FBXO38: variants seen among roughly 807,000 people sequenced by gnomAD.
FBXO38 encodes the protein F-box protein 38, also known as F-box only protein 38.
Under a neutral mutation model 131.9 loss-of-function variants are expected in FBXO38, and 53 were observed. The observed-to-expected ratio is 0.40, with a 90% confidence interval of 0.32 to 0.51. The LOEUF is 0.51. FBXO38 is among the 20% of genes least tolerant of loss of function. The probability of loss-of-function intolerance (pLI) is 0.53; values close to 1 mark genes in which losing one functional copy is unlikely to be tolerated. For synonymous variants in FBXO38, 452 were observed against 505.6 expected (o/e 0.89, Z 1.42); for missense variants, 1,076 against 1,475.6 (o/e 0.73, Z 4.44).
intron 12 of FBXO38, among the ~76,000 whole-genome samples, chr5:148,419,283 C>G (rs1008559539): frequency 1.3e-5 from 2 of 152,124 alleles, no homozygotes; most frequent in African/African-American, 4.8e-5. Flanking sequence ...ACATTAGATT[C>G]CACAGGTCAC....
chr5:148,406,539 G>A lies in FBXO38; in HGVS notation c.868+145G>A. The A allele has an allele frequency of 6.4e-6, 4 of 622,670 alleles. No individual in the cohort carries two copies. In the South Asian group the frequency reaches 8.2e-5, roughly 13 times the overall value. 38.6% of individuals were successfully genotyped at this position (622,670 alleles called of 1,614,324 possible). On this transcript the variant is annotated intron_variant, in intron 7 of 21. Coordinates refer to ENST00000340253, the MANE Select transcript of FBXO38 (RefSeq NM_205836.3). ...CTTTGTTGTATTTGATGGACAGTAA[G>A]TAACCATGAGCATAGCTAGTATTCA...
In FBXO38 at chr5:148,441,175, G is replaced by A. The variant is rs776502136; in HGVS notation, c.3326G>A (p.Arg1109Lys). 9 of 1,613,928 alleles carry A rather than the reference G, an allele frequency of 5.6e-6. No individual in the cohort carries two copies. The highest frequency in any genetic ancestry group is 6.8e-6 in the Non-Finnish European group (8 of 1,179,924). The change falls in exon 21 of 22, where the codon AGG (arginine) becomes AAG (lysine). Residue 1109 changes from arginine (R) to lysine (K), a missense_variant. Coordinates refer to ENST00000340253, the MANE Select transcript of FBXO38 (RefSeq NM_205836.3). ...YSMISDFPWL[R>K]SLRAAEPNSF... ...ATGATTTCTGACTTCCCTTGGCTGA[G>A]GTCATTACGAGCTGCAGAGCCCAAC...
At chr5:148,423,916 C>T in intron 12 of FBXO38, 82 bp from the exon 13 acceptor site, 1 of 1,351,874 alleles carries the variant, frequency 7.4e-7, no homozygotes, top group South Asian at 1.4e-5. Context: ...CTGTTCAGTT[C>T]TTAGGGCGGC....
At chr5:148,410,395 A>G (rs1752681725) in intron 8 of FBXO38, 1 of 505,080 alleles carries the variant, frequency 2.0e-6, no homozygotes, top group African/African-American at 2.0e-5. Context: ...GCCATCAGGC[A>G]AAAATGTGAC....
At chr5:148,404,571 A>G (rs1330138451) in intron 5 of FBXO38, 114 bp from the exon 6 acceptor site, 2 of 885,034 alleles carry the variant, frequency 2.3e-6, no homozygotes, top group African/African-American at 3.5e-5. Context: ...TCGGATAAAA[A>G]TCCTTGAAGG....
At chr5:148,411,836 C>T (rs1179084164) in intron 9 of FBXO38, among the ~76,000 whole-genome samples, 1 of 152,128 alleles carries the variant, frequency 6.6e-6, no homozygotes, top group Non-Finnish European at 1.5e-5. Flanking sequence ...TGATATCAAG[C>T]TTTTCTGGTT....
intron 9 of FBXO38, 32 bp from the exon 10 acceptor site, chr5:148,414,104 T>C: frequency 5.4e-6 from 2 of 373,456 alleles, no homozygotes; most frequent in Non-Finnish European, 8.3e-6. Context: ...AGAATTTGAC[T>C]TTTTTTTTTT....
intron 2 of FBXO38, among the ~76,000 whole-genome samples, chr5:148,398,692 T>C (rs1446076018): frequency 5.3e-5 from 8 of 151,962 alleles, no homozygotes; most frequent in Non-Finnish European, 1.0e-4. Context: ...TTTTTTTTCT[T>C]CTTTTCTTTG....
rs950240763 is a variant in FBXO38, at chr5:148,440,431, A to G, written c.3178A>G (p.Ile1060Val). ...DTIANINQELIKYEFFPEATR... is the reference protein window; with the variant it reads ...DTIANINQELVKYEFFPEATR... Reference sequence around the variant, plus strand: ...TTTTCCTGTTGCTTCCAGAGAGCTCATTAAATATGAATTCTTCCCTGAAGC... The same window carrying G: ...TTTTCCTGTTGCTTCCAGAGAGCTCGTTAAATATGAATTCTTCCCTGAAGC... Residue 1060 changes from isoleucine to valine, a missense_variant, in exon 20 of 22, where the codon ATT becomes GTT. Around this residue, in one of 8 missense-constraint regions of FBXO38, gnomAD observed 282 missense variants for 418.8 expected, o/e 0.67. Transcript: ENST00000340253. The G allele has an allele frequency of 1.2e-6, 2 of 1,607,102 alleles. No homozygotes were observed. The highest frequency in any genetic ancestry group is 1.1e-5 in the South Asian group (1 of 90,820).
intron 13 of FBXO38, 110 bp downstream of exon 13, chr5:148,424,227 C>A: frequency 2.9e-6 from 3 of 1,039,166 alleles, no homozygotes; most frequent in Non-Finnish European, 4.2e-6. Context: ...GCTAATGATA[C>A]GTTTTATGCT....
At chr5:148,422,839 A>C (rs891868235) in intron 12 of FBXO38, among the ~76,000 whole-genome samples, 2 of 152,204 alleles carry the variant, frequency 1.3e-5, no homozygotes, top group Non-Finnish European at 2.9e-5. Context: ...TGCCTACTGC[A>C]AACAATTCTA....
chr5:148,415,874 G>T (rs1247346847), intron 10 of FBXO38, 54 bp from the exon 11 acceptor site: 1 of 1,592,706 alleles, frequency 6.3e-7, no homozygotes, highest in East Asian at 2.2e-5. Flanking sequence ...AAATTCATCA[G>T]TAATGGGGAA....
intron 5 of FBXO38, among the ~76,000 whole-genome samples, chr5:148,404,227 C>T (rs114708155): frequency 3.3e-5 from 5 of 152,100 alleles, no homozygotes; most frequent in Non-Finnish European, 7.4e-5. Context: ...ATATTTAAAC[C>T]CATCTAGCTG....
At chr5:148,399,306 T>C in intron 3 of FBXO38, 174 bp downstream of exon 3, 2 of 649,074 alleles carry the variant, frequency 3.1e-6, no homozygotes, top group Non-Finnish European at 5.2e-6. Context: ...GCGTTTTACC[T>C]GAGGCTTTAT....
At chr5:148,405,642 T>C (rs1336095956) in intron 6 of FBXO38, among the ~76,000 whole-genome samples, 1 of 152,230 alleles carries the variant, frequency 6.6e-6, no homozygotes, top group Non-Finnish European at 1.5e-5. Context: ...TCTTCTCTTA[T>C]GCTGTATTAT....
chr5:148,440,211 A>G, intron 19 of FBXO38: 2 of 503,176 alleles, frequency 4.0e-6, no homozygotes, highest in Admixed American at 3.8e-5. Flanking sequence ...TCTTTCCCTG[A>G]TATGATTTTG....
chr5:148,413,939 T>G, intron 9 of FBXO38, 197 bp from the exon 10 acceptor site: 1 of 424,322 alleles, frequency 2.4e-6, no homozygotes, highest in South Asian at 6.9e-5. Flanking sequence ...TTTAATATAA[T>G]TTATTATTTT....
chr5:148,421,070 G>A lies in FBXO38; in HGVS notation c.1619-2928G>A, dbSNP rs150184043. ...CAACCTCCGCCTCCTGGGTTCAAGCGATTCTCCTGCCTCAGCCTCCCGATT... is the reference window on the plus strand; with the variant it reads ...CAACCTCCGCCTCCTGGGTTCAAGCAATTCTCCTGCCTCAGCCTCCCGATT... On this transcript the variant is annotated intron_variant, in intron 12 of 21. Transcript: ENST00000340253. Among the ~76,000 whole-genome samples the A allele has an allele frequency of 3.0e-3, 449 of 151,788 alleles. 3 individuals carry two copies. The highest frequency in any genetic ancestry group is 0.01 in the African/African-American group (432 of 41,380).
At chr5:148,399,888 C>T (rs1247877276) in intron 3 of FBXO38, among the ~76,000 whole-genome samples, 1 of 150,206 alleles carries the variant, frequency 6.7e-6, no homozygotes, top group Non-Finnish European at 1.5e-5. Flanking sequence ...TATGAGACTT[C>T]GAAAATGGGA....
Sources: gnomAD v4.1 joint callset for allele counts (sites outside exome capture counted in the v4.1 genomes callset) on GRCh38, gnomAD v4.1.1 for gene constraint, gnomAD v4.1.1 regional missense constraint, MANE v1.5 for transcripts, NCBI Gene and HGNC (gene_info 2026-07-23, HGNC 2026-07-21) for gene names.